SLC6A11: variants seen among roughly 807,000 people sequenced by gnomAD.
SLC6A11 encodes the protein sodium- and chloride-dependent GABA transporter 3.
SLC6A11 carries 25 observed loss-of-function variants against 74.8 expected under a neutral mutation model. That is an observed-to-expected ratio of 0.33 (90% confidence interval 0.24 to 0.47). SLC6A11 has a LOEUF of 0.47. Ranked by LOEUF, SLC6A11 falls within the 20% of genes least tolerant of loss-of-function variation. The probability of loss-of-function intolerance (pLI) is 1.00; values close to 1 mark genes in which losing one functional copy is unlikely to be tolerated. For missense variants in SLC6A11, 574 were observed against 837.0 expected, an observed-to-expected ratio of 0.69 and a Z score of 3.88; for synonymous variants, 330 against 330.2, an observed-to-expected ratio of 1.00 and a Z score of 0.01.
intron 6 of SLC6A11, among the ~76,000 whole-genome samples, chr3:10,890,354 A>C (rs1695093134): frequency 1.3e-5 from 2 of 152,186 alleles, no homozygotes; most frequent in Admixed American, 1.3e-4. Context: ...CCCACTGAAG[A>C]GTCAAGACCT....
intron 6 of SLC6A11, among the ~76,000 whole-genome samples, chr3:10,879,708 C>A (rs1427094763): frequency 6.6e-6 from 1 of 152,022 alleles, no homozygotes; most frequent in Non-Finnish European, 1.5e-5. Context: ...GGCTTTATTG[C>A]TATTATTGCT....
At chr3:10,851,015 G>A (rs771277265) in intron 5 of SLC6A11, among the ~76,000 whole-genome samples, 1 of 152,122 alleles carries the variant, frequency 6.6e-6, no homozygotes, top group Non-Finnish European at 1.5e-5. Context: ...TTTTGAACAG[G>A]GGTGGTTGAC....
intron 5 of SLC6A11, among the ~76,000 whole-genome samples, chr3:10,855,507 T>C (rs142251427): frequency 1.4e-3 from 214 of 152,326 alleles, no homozygotes; most frequent in African/African-American, 5.0e-3. Flanking sequence ...ATAGCTCTTA[T>C]CAGCAGCAGC....
chr3:10,900,167 T>G (rs1001590887), intron 6 of SLC6A11, among the ~76,000 whole-genome samples: 5 of 152,158 alleles, frequency 3.3e-5, no homozygotes, highest in African/African-American at 1.2e-4. Context: ...ATAATGAACT[T>G]TAGAGAGAAC....
chr3:10,901,099 T>A (rs78477101), intron 6 of SLC6A11, among the ~76,000 whole-genome samples: 9,425 of 152,284 alleles, frequency 0.062, 327 homozygotes, highest in East Asian at 0.086. Context: ...AGGGGACAGC[T>A]TGGCCTAAAC....
intron 7 of SLC6A11, among the ~76,000 whole-genome samples, chr3:10,917,733 C>G (rs953111816): frequency 2.0e-5 from 3 of 152,214 alleles, no homozygotes; most frequent in Admixed American, 2.0e-4. Flanking sequence ...ATAAACCTCT[C>G]CATGCAAGGG....
intron 4 of SLC6A11, among the ~76,000 whole-genome samples, chr3:10,843,708 C>G (rs909365980): frequency 1.3e-5 from 2 of 152,222 alleles, no homozygotes; most frequent in African/African-American, 4.8e-5. Flanking sequence ...TGTCTTGACA[C>G]AGGCTTCCAT....
At chr3:10,929,683 G>A (rs1254843275) in intron 10 of SLC6A11, among the ~76,000 whole-genome samples, 1 of 152,196 alleles carries the variant, frequency 6.6e-6, no homozygotes, top group Non-Finnish European at 1.5e-5. Flanking sequence ...GTCAGCTACT[G>A]GCCCCTACAG....
At chr3:10,890,196 G>A (rs1006017000) in intron 6 of SLC6A11, among the ~76,000 whole-genome samples, 2 of 151,968 alleles carry the variant, frequency 1.3e-5, no homozygotes, top group South Asian at 2.1e-4. Flanking sequence ...AGGAAAAAAG[G>A]CCCAAGAAGC....
chr3:10,842,307 G>A (rs1694448801), intron 4 of SLC6A11, among the ~76,000 whole-genome samples: 1 of 152,160 alleles, frequency 6.6e-6, no homozygotes, highest in South Asian at 2.1e-4. Flanking sequence ...TGGTGCTCAA[G>A]CCTTACTGTG....
intron 5 of SLC6A11, among the ~76,000 whole-genome samples, chr3:10,849,166 A>C (rs937440040): frequency 2.0e-5 from 3 of 152,226 alleles, no homozygotes. Flanking sequence ...CTCCTATGGA[A>C]AAAAAAGCCT....
intron 4 of SLC6A11, among the ~76,000 whole-genome samples, chr3:10,830,765 G>C (rs1462424991): frequency 6.6e-6 from 1 of 152,178 alleles, no homozygotes; most frequent in Non-Finnish European, 1.5e-5. Flanking sequence ...CAGTCAAAGA[G>C]CCTGGAGAAG....
chr3:10,895,086 T>G (rs1284631502), intron 6 of SLC6A11, among the ~76,000 whole-genome samples: 2 of 152,246 alleles, frequency 1.3e-5, no homozygotes, highest in East Asian at 1.9e-4. Flanking sequence ...GCCTATGGTG[T>G]TGTTGTGAGA....
intron 4 of SLC6A11, among the ~76,000 whole-genome samples, chr3:10,831,749 C>T (rs9835411): frequency 0.038 from 5,729 of 152,210 alleles, 353 homozygotes; most frequent in African/African-American, 0.13. Flanking sequence ...TAAGCTGTTA[C>T]GTGTCATAAT....
chr3:10,840,096 T>C (rs1195682927), intron 4 of SLC6A11, among the ~76,000 whole-genome samples: 1 of 152,184 alleles, frequency 6.6e-6, no homozygotes, highest in Non-Finnish European at 1.5e-5. Flanking sequence ...CTCACCACTG[T>C]TGACCACTTC....
intron 6 of SLC6A11, among the ~76,000 whole-genome samples, chr3:10,899,418 T>A (rs1280035468): frequency 6.6e-6 from 1 of 152,252 alleles, no homozygotes; most frequent in East Asian, 1.9e-4. Flanking sequence ...AATTGAGTAA[T>A]ATCTTCCTGC....
intron 6 of SLC6A11, among the ~76,000 whole-genome samples, chr3:10,899,135 G>T (rs1004100066): frequency 6.6e-6 from 1 of 152,184 alleles, no homozygotes; most frequent in Non-Finnish European, 1.5e-5. Flanking sequence ...TGTGGGAATT[G>T]TGGGAGTACA....
intron 6 of SLC6A11, among the ~76,000 whole-genome samples, chr3:10,900,082 A>T (rs181319380): frequency 7.4e-4 from 112 of 152,342 alleles, no homozygotes; most frequent in Middle Eastern, 3.4e-3. Context: ...TTGGATGTGC[A>T]TGTCACATAT....
chr3:10,932,437 C>T (rs992270152), intron 10 of SLC6A11, among the ~76,000 whole-genome samples: 1 of 152,200 alleles, frequency 6.6e-6, no homozygotes, highest in Non-Finnish European at 1.5e-5. Flanking sequence ...CTACTGTGCA[C>T]CAGCCCCACT....
Sources: gnomAD v4.1 joint callset for allele counts (sites outside exome capture counted in the v4.1 genomes callset) on GRCh38, gnomAD v4.1.1 for gene constraint, MANE v1.5 for transcripts, NCBI Gene and HGNC (gene_info 2026-07-23, HGNC 2026-07-21) for gene names.